BTAF1: variants seen among roughly 807,000 people sequenced by gnomAD.
BTAF1 encodes TATA-binding protein-associated factor 172.
Under a neutral mutation model 227.1 loss-of-function variants are expected in BTAF1, and 38 were observed. The ratio of observed to expected loss-of-function variants is 0.17; its 90% CI spans 0.13 to 0.22. The LOEUF (loss-of-function observed/expected upper bound fraction) is 0.22, where lower values mean the gene tolerates loss of function less well. BTAF1 is among the 10% of genes least tolerant of loss of function. The probability of loss-of-function intolerance (pLI) is 1.00; values close to 1 mark genes in which losing one functional copy is unlikely to be tolerated. For synonymous variants in BTAF1, 742 were observed against 751.9 expected, an observed-to-expected ratio of 0.99 and a Z score of 0.21; for missense variants, 1,598 against 2,204.0, an observed-to-expected ratio of 0.73 and a Z score of 5.51.
chr10:91,943,876 C>T (rs926861785), intron 4 of BTAF1, among the ~76,000 whole-genome samples: 2 of 152,086 alleles, frequency 1.3e-5, no homozygotes, highest in Admixed American at 6.6e-5. Flanking sequence ...CCTGGCTCAG[C>T]GTGGTGGGTC....
At chr10:91,999,428 T>C (rs1849353400) in intron 25 of BTAF1, among the ~76,000 whole-genome samples, 1 of 152,212 alleles carries the variant, frequency 6.6e-6, no homozygotes, top group Non-Finnish European at 1.5e-5. Context: ...CTTTTGCTCT[T>C]GTTGCAACCA....
In BTAF1 at chr10:91,942,296, GTT is replaced by G. The variant is rs1174030790; in HGVS notation, c.254-124_254-123del. The G allele has an allele frequency of 3.8e-5, 21 of 551,514 alleles. No individual in the cohort carries two copies. In the African/African-American group the frequency reaches 4.0e-4, roughly 11 times the overall value. 34.2% of individuals were successfully genotyped at this position (551,514 alleles called of 1,614,324 possible). A position where few individuals can be genotyped will look rare whatever the true frequency, so the allele number is the denominator to read the frequency against. ...AAGACCTCACTTCTTAAAAAAAAAAGTTTGTGTGTGTGTGTGTGTGTGTGTGT... is the reference window on the plus strand; with the variant it reads ...AAGACCTCACTTCTTAAAAAAAAAAGTGTGTGTGTGTGTGTGTGTGTGTGT... On this transcript the variant is annotated intron_variant, in intron 3 of 37. Coordinates refer to ENST00000265990, the MANE Select transcript of BTAF1 (RefSeq NM_003972.3).
chr10:91,979,745 ATATTTGGTGAAGCAC>A (rs1395819496), intron 14 of BTAF1, among the ~76,000 whole-genome samples: 2 of 152,114 alleles, frequency 1.3e-5, no homozygotes, highest in Non-Finnish European at 2.9e-5. Flanking sequence ...CACACATTAG[ATATTTGGTGAAGCAC>A]TATTTGGTTG....
In BTAF1 at chr10:91,997,644, G is replaced by A; in HGVS notation, c.3553G>A (p.Val1185Ile). Residue 1185 changes from valine to isoleucine, a missense_variant, in exon 25 of 38, where the codon GTC (valine) becomes ATC (isoleucine). This residue lies in a region of BTAF1 where 425 missense variants were observed against 491.2 expected (regional missense o/e 0.87). Coordinates refer to ENST00000265990, the MANE Select transcript of BTAF1 (RefSeq NM_003972.3). ...QLDVGIVPYI[V>I]LLVVPVLGRM... The stretch of plus-strand genomic sequence containing the variant: ...AGATGTTGGTATTGTTCCATATATT[G>A]TCCTTTTAGTTGTTCCTGTATTAGG... 6.2e-7 allele frequency: 1 copy of A among 1,613,646 alleles called. No individual in the cohort carries two copies. Among genetic ancestry groups the A allele is most frequent in the Non-Finnish European group, 8.5e-7 (1 of 1,179,620 alleles).
chr10:91,976,338 CTCTATTA>C (rs1210525447), intron 14 of BTAF1, among the ~76,000 whole-genome samples: 3 of 152,140 alleles, frequency 2.0e-5, no homozygotes, highest in Non-Finnish European at 1.5e-5. Context: ...TTTATGGAGA[CTCTATTA>C]TGTAGTCATG....
chr10:92,018,908 T>G lies in BTAF1; in HGVS notation c.4836T>G (p.His1612Gln). ...VQNSSLHDIQ[H>Q]APKLSALKQL... ...ATTCTTCTCTACATGATATTCAACATGCCCCTAAGCTCTCAGCTTTGAAAC... is the reference window on the plus strand; with the variant it reads ...ATTCTTCTCTACATGATATTCAACAGGCCCCTAAGCTCTCAGCTTTGAAAC... Residue 1612 changes from histidine (H) to glutamine (Q), a missense_variant, in exon 34 of 38, where the codon CAT becomes CAG. Coordinates refer to ENST00000265990, the MANE Select transcript of BTAF1 (RefSeq NM_003972.3). 6.2e-7 allele frequency: 1 copy of G among 1,603,378 alleles called. No homozygotes were observed. The highest frequency in any genetic ancestry group is 8.5e-7 in the Non-Finnish European group (1 of 1,176,242).
chr10:91,990,641 A>G (rs543971349), intron 20 of BTAF1, among the ~76,000 whole-genome samples: 10 of 152,204 alleles, frequency 6.6e-5, no homozygotes, highest in African/African-American at 2.4e-4. Context: ...CTAAAAATAT[A>G]TAATTAGCTG....
At chr10:91,993,234 G>T (rs377357392) in intron 21 of BTAF1, among the ~76,000 whole-genome samples, 2 of 152,232 alleles carry the variant, frequency 1.3e-5, no homozygotes, top group East Asian at 3.9e-4. Context: ...TGGGGGGACA[G>T]ATTTATGGAC....
chr10:92,018,360 G>A (rs568386534), intron 33 of BTAF1, among the ~76,000 whole-genome samples: 28 of 152,216 alleles, frequency 1.8e-4, no homozygotes, highest in African/African-American at 2.6e-4. Flanking sequence ...GGATTACAGG[G>A]GTGAGGCACC....
intron 11 of BTAF1, 37 bp downstream of exon 11, chr10:91,960,191 T>G (rs765380698): frequency 1.9e-6 from 3 of 1,587,582 alleles, no homozygotes; most frequent in Middle Eastern, 1.7e-4. Flanking sequence ...TGTGGGAGAG[T>G]TTTTTCCCCC....
intron 25 of BTAF1, among the ~76,000 whole-genome samples, chr10:92,002,829 G>A (rs928670564): frequency 6.6e-6 from 1 of 151,808 alleles, no homozygotes; most frequent in African/African-American, 2.4e-5. Context: ...CAAATTTTTT[G>A]GTCTCATTAC....
chr10:91,989,426 C>T lies in BTAF1; in HGVS notation c.2700C>T (p.Cys900=). The change falls in exon 20 of 38, where the codon TGC becomes TGT. Residue 900 remains cysteine, a synonymous_variant. Transcript: ENST00000265990. ...NTLVQNYAAQ[C]IAKLLQQCTT... is the part of the protein sequence containing the mutation. ...TAGTGCAAAACTATGCAGCTCAGTG[C>T]ATAGCTAAACTCCTTCAGCAGTGCA... 1.2e-6 allele frequency: 2 copies of T among 1,614,160 alleles called. No individual in the cohort carries two copies. The highest frequency in any genetic ancestry group is 1.7e-6 in the Non-Finnish European group (2 of 1,180,034).
intron 17 of BTAF1, 33 bp from the exon 18 acceptor site, chr10:91,982,554 T>A: frequency 6.4e-7 from 1 of 1,555,828 alleles, no homozygotes; most frequent in South Asian, 1.2e-5. Context: ...TTCAAGTAAT[T>A]TCTTATAGTA....
At chr10:92,011,479 A>AG in intron 30 of BTAF1, 64 bp downstream of exon 30, 1 of 782,260 alleles carries the variant, frequency 1.3e-6, no homozygotes, top group Non-Finnish European at 1.7e-6. Context: ...TGCCAGGTGG[A>AG]GGGTAGGCTT....
intron 21 of BTAF1, among the ~76,000 whole-genome samples, chr10:91,992,670 A>G (rs916975321): frequency 1.3e-5 from 2 of 152,276 alleles, no homozygotes; most frequent in South Asian, 2.1e-4. Flanking sequence ...AGTCAATTTG[A>G]TATTTATTAA....
At chr10:92,020,528 A>G (rs1411884064) in intron 34 of BTAF1, among the ~76,000 whole-genome samples, 1 of 152,206 alleles carries the variant, frequency 6.6e-6, no homozygotes, top group Non-Finnish European at 1.5e-5. Flanking sequence ...ATGAATGAAG[A>G]TTTTAGATTC....
intron 15 of BTAF1, among the ~76,000 whole-genome samples, chr10:91,981,425 T>C (rs1353676274): frequency 6.6e-6 from 1 of 152,140 alleles, no homozygotes; most frequent in Non-Finnish European, 1.5e-5. Context: ...ATTGTGTTCT[T>C]TTTTTAAAAA....
Position 91,992,138 on chromosome 10 carries a change from T to C in BTAF1, c.2874T>C (p.Asp958=). 6.3e-7 allele frequency: 1 copy of C among 1,576,880 alleles called. No homozygotes were observed. The highest frequency in any genetic ancestry group is 8.6e-7 in the Non-Finnish European group (1 of 1,161,548). ...ENSKGSTSEK[D]GMHHTVTKHR... ...TATTAGGATCCACCTCAGAAAAAGA[T>C]GGAATGCACCATACTGTCACCAAGC... is the stretch of plus-strand genomic sequence containing the variant. Residue 958 remains aspartate, a synonymous_variant, in exon 21 of 38, where the codon GAT becomes GAC. Transcript: ENST00000265990.
chr10:91,976,065 A>G (rs1034895929), intron 14 of BTAF1, among the ~76,000 whole-genome samples: 6 of 152,200 alleles, frequency 3.9e-5, no homozygotes, highest in African/African-American at 1.2e-4. Flanking sequence ...CTGACCTACC[A>G]TCTGTAAACT....
Sources: allele counts gnomAD v4.1 joint callset (sites outside exome capture counted in the v4.1 genomes callset), GRCh38; gene constraint gnomAD v4.1.1; regional missense constraint gnomAD v4.1.1; transcripts MANE v1.5; gene names NCBI Gene and HGNC (gene_info 2026-07-23, HGNC 2026-07-21).